CAVIN2: variants seen among roughly 807,000 people sequenced by gnomAD.
The protein encoded by CAVIN2 is caveolae associated protein 2, also known as caveolae-associated protein 2.
A neutral mutation model predicts 11.7 loss-of-function variants in CAVIN2; 13 were observed. The observed-to-expected ratio is 1.11, with a 90% CI of 0.72 to 1.77. The LOEUF (loss-of-function observed/expected upper bound fraction) is 1.77, where lower values mean the gene tolerates loss of function less well. Among genes scored for constraint, CAVIN2 ranks in the 40% most tolerant of loss-of-function variants. The pLI, the probability that CAVIN2 is intolerant of heterozygous loss-of-function variation, is 0.00. For synonymous variants in CAVIN2, 237 were observed against 223.2 expected, an observed-to-expected ratio of 1.06 and a Z score of -0.55; for missense variants, 549 against 542.9, an observed-to-expected ratio of 1.01 and a Z score of -0.11.
At chr2:191,840,861 G>C (rs1690082655) in intron 1 of CAVIN2, among the ~76,000 whole-genome samples, 5 of 152,134 alleles carry the variant, frequency 3.3e-5, no homozygotes, top group Admixed American at 3.3e-4. Context: ...ATTCCTGTTG[G>C]CAGAAGAAAA....
At chr2:191,845,997 A>G (rs931887004) in intron 1 of CAVIN2, among the ~76,000 whole-genome samples, 6 of 152,256 alleles carry the variant, frequency 3.9e-5, no homozygotes, top group African/African-American at 1.2e-4. Flanking sequence ...GGTTAAAAAA[A>G]CCACAAAATA....
At chr2:191,837,596 C>T (rs1690041410) in intron 1 of CAVIN2, among the ~76,000 whole-genome samples, 1 of 152,136 alleles carries the variant, frequency 6.6e-6, no homozygotes, top group Non-Finnish European at 1.5e-5. Flanking sequence ...CTGCCGGGCA[C>T]ACAGGCAAAG....
At chr2:191,842,149 A>C (rs1690103818) in intron 1 of CAVIN2, among the ~76,000 whole-genome samples, 1 of 152,204 alleles carries the variant, frequency 6.6e-6, no homozygotes, top group African/African-American at 2.4e-5. Flanking sequence ...GTCTCTCTAA[A>C]ATTCTGACCT....
rs375967977 is a variant in CAVIN2 at position 191,834,465 on chromosome 2, C to A, written c.*1458G>T. The A allele has an allele frequency of 4.9e-4, 74 of 152,204 alleles. 1 individual carries two copies. In the East Asian group the frequency reaches 0.01, roughly 21 times the overall value. 9.4% of individuals were successfully genotyped at this position (152,204 alleles called of 1,614,324 possible). On this transcript the variant is annotated 3_prime_UTR_variant, in exon 2 of 2. Coordinates refer to ENST00000304141, the MANE Select transcript of CAVIN2 (RefSeq NM_004657.6). ...TTAATCCTATCCCTTTTATTAAAGA[C>A]AAAGCACAGTTTGTTAATATTGTCT...
chr2:191,841,791 G>A (rs2105736899), intron 1 of CAVIN2, among the ~76,000 whole-genome samples: 1 of 152,240 alleles, frequency 6.6e-6, no homozygotes, highest in African/African-American at 2.4e-5. Context: ...TTTTACATAA[G>A]AGTATGCAAT....
At chr2:191,845,361 T>A (rs1477724704) in intron 1 of CAVIN2, among the ~76,000 whole-genome samples, 1 of 152,210 alleles carries the variant, frequency 6.6e-6, no homozygotes. Flanking sequence ...AATTTCTAAA[T>A]CTCTCTTGGG....
chr2:191,847,026 C>T lies in CAVIN2; in HGVS notation c.-101G>A. On this transcript the variant is annotated 5_prime_UTR_variant, in exon 1 of 2. Coordinates refer to ENST00000304141, the MANE Select transcript of CAVIN2 (RefSeq NM_004657.6). ...GTAGGATGAGGCCCGCTGGTTGGAG[C>T]TCAGGGCACCAGTCTCCAGGACTGG... The T allele has an allele frequency of 6.9e-7, 1 of 1,445,650 alleles. No homozygotes were observed. Among genetic ancestry groups the T allele is most frequent in the Non-Finnish European group, 9.2e-7 (1 of 1,085,034 alleles). 89.6% of individuals were successfully genotyped at this position (1,445,650 alleles called of 1,614,324 possible).
intron 1 of CAVIN2, among the ~76,000 whole-genome samples, chr2:191,840,604 C>A (rs188737654): frequency 1.3e-5 from 2 of 152,318 alleles, no homozygotes; most frequent in African/African-American, 4.8e-5. Flanking sequence ...CTGTTCATAT[C>A]GATCCTAGTG....
intron 1 of CAVIN2, among the ~76,000 whole-genome samples, 160 bp from the exon 2 acceptor site, chr2:191,836,877 C>G (rs991322951): frequency 1.3e-5 from 2 of 152,176 alleles, no homozygotes; most frequent in African/African-American, 2.4e-5. Flanking sequence ...ATTCTAAACT[C>G]GTCAAGTCAT....
At chr2:191,841,867 A>G (rs1238824849) in intron 1 of CAVIN2, among the ~76,000 whole-genome samples, 2 of 152,248 alleles carry the variant, frequency 1.3e-5, no homozygotes, top group Non-Finnish European at 2.9e-5. Flanking sequence ...CAGTGCTCAC[A>G]TTCACTAAAT....
Position 191,836,383 on chromosome 2 carries a change from T to C in CAVIN2, c.818A>G (p.Lys273Arg). 1 of 1,614,172 alleles carries C rather than the reference T, an allele frequency of 6.2e-7. No homozygotes were observed. The highest frequency in any genetic ancestry group is 1.6e-4 in the Middle Eastern group (1 of 6,062). ...TTTCTGGTGATTTGACGTGAGAGAT[T>C]TCTTAATCTTCTCTCTCCTCTCTAC... ...VSVERREKIK[K>R]SLTSNHQKIS... is the part of the protein sequence containing the mutation. The change falls in exon 2 of 2, where the codon AAA becomes AGA. Residue 273 changes from lysine to arginine, a missense_variant. Coordinates refer to ENST00000304141, the MANE Select transcript of CAVIN2 (RefSeq NM_004657.6).
chr2:191,836,615 TTTCCTCCAGGGA>T lies in CAVIN2; in HGVS notation c.574_585del (p.Ser192_Glu195del). ...GAGGAGAGGTCCACGGTGTGCAGGG[TTTCCTCCAGGGA>T]TTTGTTTTCATCCGGAAGCTCCTCC... On this transcript the variant is annotated inframe_deletion, in exon 2 of 2. Transcript: ENST00000304141. 6.2e-7 allele frequency: 1 copy of T among 1,614,098 alleles called. No individual in the cohort carries two copies. Among genetic ancestry groups the T allele is most frequent in the South Asian group, 1.1e-5 (1 of 91,074 alleles).
At position 191,846,886 on chromosome 2, in the gene CAVIN2, G is replaced by A. The variant is rs1190880848; in HGVS notation, c.40C>T (p.Pro14Ser). 6.2e-7 allele frequency: 1 copy of A among 1,613,644 alleles called. No homozygotes were observed. Among genetic ancestry groups the A allele is most frequent in the African/African-American group, 1.3e-5 (1 of 75,022 alleles). ...DAAQAEKFQH[P>S]GSDMRQEKPS... ...TTTTCCTGCCGCATGTCAGACCCAG[G>A]GTGCTGGAACTTTTCGGCCTGTGCA... The change falls in exon 1 of 2, where the codon CCT becomes TCT. Residue 14 changes from proline to serine, a missense_variant. Physicochemically the swap from Pro to Ser is moderately conservative, Grantham distance 74. Coordinates refer to ENST00000304141, the MANE Select transcript of CAVIN2 (RefSeq NM_004657.6).
rs1690172251 is a variant in CAVIN2, at chr2:191,846,637, G to A, written c.289C>T (p.Leu97Phe). The A allele has an allele frequency of 1.9e-6, 3 of 1,614,112 alleles. No homozygotes were observed. Among genetic ancestry groups the A allele is most frequent in the African/African-American group, 1.3e-5 (1 of 74,952 alleles). ...GCCTGGTACTTGGAGAGCTTGGTGA[G>A]GTCATTCTGGATGCCCTTCACGGAG... ...EGSVKGIQND[L>F]TKLSKYQAST... is the part of the protein sequence containing the mutation. The change falls in exon 1 of 2, where the codon CTC becomes TTC. Residue 97 changes from leucine (L) to phenylalanine (F), a missense_variant. Transcript: ENST00000304141.
chr2:191,846,589 T>G lies in CAVIN2; in HGVS notation c.337A>C (p.Lys113Gln). Residue 113 changes from lysine (K) to glutamine (Q), a missense_variant, in exon 1 of 2, where the codon AAG (lysine) becomes CAG (glutamine). Lys to Gln is a moderately conservative substitution (Grantham distance 53, BLOSUM62 1). Transcript: ENST00000304141. ...ACCTTGCGGGACTTCTCCAGCAGCT[T>G]GCTCACCGTGTTGCTGGTGGAGGCC... The part of the protein sequence containing the change: ...YQASTSNTVS[K>Q]LLEKSRKVSA... 6.2e-7 allele frequency: 1 copy of G among 1,614,262 alleles called. No homozygotes were observed. Among genetic ancestry groups the G allele is most frequent in the Non-Finnish European group, 8.5e-7 (1 of 1,180,042 alleles).
chr2:191,838,862 C>G (rs982379005), intron 1 of CAVIN2, among the ~76,000 whole-genome samples: 2 of 152,190 alleles, frequency 1.3e-5, no homozygotes, highest in African/African-American at 4.8e-5. Flanking sequence ...CTCTTTTGGG[C>G]AGGCTTGAGG....
Position 191,846,614 on chromosome 2 carries a change from C to T in CAVIN2, c.312G>A (p.Gln104=). The part of the protein sequence containing the change: ...QNDLTKLSKY[Q]ASTSNTVSKL... ...TGCTCACCGTGTTGCTGGTGGAGGC[C>T]TGGTACTTGGAGAGCTTGGTGAGGT... Residue 104 remains glutamine, a synonymous_variant, in exon 1 of 2, where the codon CAG becomes CAA. Coordinates refer to ENST00000304141, the MANE Select transcript of CAVIN2 (RefSeq NM_004657.6). 1.9e-6 allele frequency: 3 copies of T among 1,614,254 alleles called. No homozygotes were observed. Among genetic ancestry groups the T allele is most frequent in the Non-Finnish European group, 2.5e-6 (3 of 1,180,048 alleles).
At chr2:191,840,233 T>G (rs1040414934) in intron 1 of CAVIN2, among the ~76,000 whole-genome samples, 1 of 152,236 alleles carries the variant, frequency 6.6e-6, no homozygotes, top group Non-Finnish European at 1.5e-5. Context: ...GAAGATCAAG[T>G]ACACATCCTC....
Position 191,846,866 on chromosome 2 carries a change from C to T in CAVIN2, c.60G>A (p.Gln20=), listed in dbSNP as rs1690176488. 6.2e-7 allele frequency: 1 copy of T among 1,614,066 alleles called. No homozygotes were observed. The highest frequency in any genetic ancestry group is 8.5e-7 in the Non-Finnish European group (1 of 1,179,986). The part of the protein sequence containing the change: ...KFQHPGSDMR[Q]EKPSSPSPMP... The stretch of plus-strand genomic sequence containing the variant: ...TCGGGCTGGGGCTCGAGGGCTTTTC[C>T]TGCCGCATGTCAGACCCAGGGTGCT... Residue 20 remains glutamine, a synonymous_variant, in exon 1 of 2, where the codon CAG becomes CAA. Coordinates refer to ENST00000304141, the MANE Select transcript of CAVIN2 (RefSeq NM_004657.6).
Sources: allele counts gnomAD v4.1 joint callset (sites outside exome capture counted in the v4.1 genomes callset), GRCh38; gene constraint gnomAD v4.1.1; transcripts MANE v1.5; gene names NCBI Gene and HGNC (gene_info 2026-07-23, HGNC 2026-07-21).